KAZN: variants seen among roughly 807,000 people sequenced by gnomAD.
The protein encoded by KAZN is kazrin.
A neutral mutation model predicts 87.4 loss-of-function variants in KAZN; 40 were observed. The ratio of observed to expected loss-of-function variants is 0.46; its 90% CI spans 0.36 to 0.60. The LOEUF (loss-of-function observed/expected upper bound fraction) is 0.60. KAZN is among the 20% of genes least tolerant of loss of function. The probability of loss-of-function intolerance (pLI) is 0.00; values close to 1 mark genes in which losing one functional copy is unlikely to be tolerated. For synonymous variants in KAZN, 466 were observed against 458.3 expected (o/e 1.02, Z -0.22); for missense variants, 898 against 1,073.9 (o/e 0.84, Z 2.29).
intron 1 of KAZN, among the ~76,000 whole-genome samples, chr1:14,018,660 G>A (rs1305679674): frequency 6.6e-6 from 1 of 152,118 alleles, no homozygotes; most frequent in Admixed American, 6.5e-5. Context: ...CCCATCTACT[G>A]GGGGCCTGGA....
chr1:14,773,300 C>T lies in KAZN; in HGVS notation c.226+174077C>T, dbSNP rs1421987057. Among the ~76,000 whole-genome samples, 1 of 152,120 alleles carries T rather than the reference C, an allele frequency of 6.6e-6. No homozygotes were observed. The highest frequency in any genetic ancestry group is 2.4e-5 in the African/African-American group (1 of 41,446). ...TGGGACTGTGGCACACAGTGGTGGC[C>T]TGGCGTATGAGAAGACCACCCCCCA... On this transcript the variant is annotated intron_variant, in intron 1 of 14. Transcript: ENST00000376030. This position sits in a 1 kb window ranked among gnomAD's most constrained non-coding sequence, Gnocchi z 5.9.
intron 1 of KAZN, among the ~76,000 whole-genome samples, chr1:14,948,830 A>G (rs1419148794): frequency 2.0e-5 from 3 of 152,080 alleles, no homozygotes; most frequent in African/African-American, 7.3e-5. Context: ...ATGAACTGGC[A>G]ACAACTTGCT....
chr1:14,416,990 A>G (rs1664829612), intron 2 of KAZN, among the ~76,000 whole-genome samples: 1 of 120,174 alleles, frequency 8.3e-6, no homozygotes, highest in African/African-American at 3.0e-5. Flanking sequence ...GTGTATATAT[A>G]TGTGTGTATG....
chr1:14,158,426 T>G (rs1645642807), intron 1 of KAZN, among the ~76,000 whole-genome samples: 2 of 152,156 alleles, frequency 1.3e-5, no homozygotes, highest in South Asian at 4.1e-4. Flanking sequence ...CCAATTGCAT[T>G]ATTCAGCTCC....
intron 2 of KAZN, among the ~76,000 whole-genome samples, chr1:14,512,618 G>A (rs1041378582): frequency 2.3e-4 from 35 of 152,028 alleles, no homozygotes; most frequent in African/African-American, 8.0e-4. Flanking sequence ...GGAAAATAAA[G>A]CCCCAGAAAA....
chr1:14,180,800 C>A (rs1306897975), intron 2 of KAZN, among the ~76,000 whole-genome samples: 1 of 152,118 alleles, frequency 6.6e-6, no homozygotes, highest in Admixed American at 6.6e-5. Context: ...CAAAGTAATA[C>A]AGCTTAAGAA....
chr1:14,368,861 CTTTT>C (rs1384166060), intron 2 of KAZN, among the ~76,000 whole-genome samples: 1 of 151,716 alleles, frequency 6.6e-6, no homozygotes, highest in Non-Finnish European at 1.5e-5. Context: ...GAGGTACTGG[CTTTT>C]TTTTTCTCCA....
chr1:14,173,507 C>A (rs7556663), intron 1 of KAZN, among the ~76,000 whole-genome samples: 1 of 151,978 alleles, frequency 6.6e-6, no homozygotes, highest in Admixed American at 6.6e-5. Flanking sequence ...TCTACCAATC[C>A]CAATTGAAAA....
At chr1:14,122,826 G>A (rs763248) in intron 1 of KAZN, among the ~76,000 whole-genome samples, 56,413 of 151,770 alleles carry the variant, frequency 0.37, 11,011 homozygotes, top group East Asian at 0.67. Context: ...TTTTGTCCTT[G>A]TTTTTGGACA....
At chr1:15,027,341 A>C (rs1671278916) in intron 2 of KAZN, among the ~76,000 whole-genome samples, 1 of 150,772 alleles carries the variant, frequency 6.6e-6, no homozygotes, top group Non-Finnish European at 1.5e-5. Flanking sequence ...CGGCCTCCCA[A>C]AATGCTGGGA....
chr1:14,699,923 A>G (rs1051125355), intron 1 of KAZN, among the ~76,000 whole-genome samples: 4 of 152,158 alleles, frequency 2.6e-5, no homozygotes, highest in African/African-American at 7.2e-5. Context: ...GACACTCACT[A>G]GAGTGGGCCA....
chr1:14,842,963 C>T (rs1185866902), intron 1 of KAZN, among the ~76,000 whole-genome samples: 3 of 152,074 alleles, frequency 2.0e-5, no homozygotes, highest in Admixed American at 6.5e-5. Context: ...TGCTGTTTCT[C>T]GGCTTACCCA....
At chr1:14,464,754 T>C (rs1209563346) in intron 2 of KAZN, among the ~76,000 whole-genome samples, 1 of 152,062 alleles carries the variant, frequency 6.6e-6, no homozygotes, top group African/African-American at 2.4e-5. Flanking sequence ...TTGATCAGGC[T>C]GGTCTCAAAC....
At chr1:14,305,798 G>A (rs752759572) in intron 2 of KAZN, among the ~76,000 whole-genome samples, 1 of 152,046 alleles carries the variant, frequency 6.6e-6, no homozygotes, top group Non-Finnish European at 1.5e-5. Flanking sequence ...ATGGTAAGAG[G>A]CAAGGCATTT....
chr1:14,559,311 G>A (rs2148524995), intron 2 of KAZN, among the ~76,000 whole-genome samples: 1 of 152,260 alleles, frequency 6.6e-6, no homozygotes, highest in East Asian at 1.9e-4. Context: ...ACCAACTAGA[G>A]GGCCTTTTCC....
At chr1:14,463,484 G>C (rs981928951) in intron 2 of KAZN, among the ~76,000 whole-genome samples, 1 of 152,116 alleles carries the variant, frequency 6.6e-6, no homozygotes, top group Non-Finnish European at 1.5e-5. Context: ...ATTAAGATTA[G>C]TATATTTCTA....
Position 14,996,844 on chromosome 1 carries a change from G to C in KAZN, c.418+35969G>C, listed in dbSNP as rs1667920043. On this transcript the variant is annotated intron_variant, in intron 2 of 14. Transcript: ENST00000376030. This position sits in a 1 kb window ranked among gnomAD's most constrained non-coding sequence, Gnocchi z 5.9. ...CCTGCATGTGGGGCACTGGGAGGGA[G>C]GGCCGTTTGCCTGCGGCCCCATGAC... Among the ~76,000 whole-genome samples the C allele has an allele frequency of 6.6e-6, 1 of 152,214 alleles. No individual in the cohort carries two copies. The highest frequency in any genetic ancestry group is 2.1e-4 in the South Asian group (1 of 4,834).
chr1:14,536,105 G>T (rs763191157), intron 2 of KAZN, among the ~76,000 whole-genome samples: 1 of 152,208 alleles, frequency 6.6e-6, no homozygotes, highest in African/African-American at 2.4e-5. Flanking sequence ...TAACATGCAG[G>T]CTAGAGCATG....
At chr1:14,102,832 G>A (rs192128672) in intron 1 of KAZN, among the ~76,000 whole-genome samples, 3 of 152,080 alleles carry the variant, frequency 2.0e-5, no homozygotes, top group Admixed American at 1.3e-4. Context: ...GTGTCAGCAG[G>A]GCTGGTTTCT....
Sources: allele counts gnomAD v4.1 joint callset (sites outside exome capture counted in the v4.1 genomes callset), GRCh38; gene constraint gnomAD v4.1.1; non-coding constraint Gnocchi (gnomAD v3.1); transcripts MANE v1.5; gene names NCBI Gene and HGNC (gene_info 2026-07-23, HGNC 2026-07-21).